The following PCDHGA1 variants were observed in gnomAD, a reference collection of about 807,000 sequenced individuals.
PCDHGA1 encodes the protein protocadherin gamma subfamily A, 1, also known as protocadherin gamma-A1.
PCDHGA1 carries 32 observed loss-of-function variants against 58.0 expected under a neutral mutation model. The ratio of observed to expected loss-of-function variants is 0.55; its 90% CI spans 0.42 to 0.74. The LOEUF is 0.74. Ranked by LOEUF, PCDHGA1 falls within the 30% of genes least tolerant of loss-of-function variation. The pLI, the probability that PCDHGA1 is intolerant of heterozygous loss-of-function variation, is 0.00. For synonymous variants in PCDHGA1, 498 were observed against 501.1 expected, an observed-to-expected ratio of 0.99 and a Z score of 0.08; for missense variants, 1,205 against 1,182.3, an observed-to-expected ratio of 1.02 and a Z score of -0.28.
In PCDHGA1 at chr5:141,408,560, A is replaced by G. The variant is rs368143982; in HGVS notation, c.2421+75455A>G. The G allele has an allele frequency of 6.3e-5, 102 of 1,613,910 alleles. No homozygotes were observed. Among genetic ancestry groups the G allele is most frequent in the Non-Finnish European group, 8.4e-5 (99 of 1,179,898 alleles). On this transcript the variant is annotated intron_variant, in intron 1 of 3. Coordinates refer to ENST00000517417, the MANE Select transcript of PCDHGA1 (RefSeq NM_018912.3). ...AAATCCTTTAAATATTTTTCATGTC[A>G]TTGTGGTGATTGAGGATGTTAATGA... is the stretch of plus-strand genomic sequence containing the variant.
At position 141,351,773 on chromosome 5, in the gene PCDHGA1, C is replaced by G. The variant is rs374508079; in HGVS notation, c.2421+18668C>G. On this transcript the variant is annotated intron_variant, in intron 1 of 3. Transcript: ENST00000517417. Reference sequence around the variant, plus strand: ...GCTGTTGTCCTACGTGTCCGTGAGCCCGCAGAGCGGGGTGGTGTTCGCGCA... The same window carrying G: ...GCTGTTGTCCTACGTGTCCGTGAGCGCGCAGAGCGGGGTGGTGTTCGCGCA... The G allele has an allele frequency of 2.6e-4, 414 of 1,613,372 alleles. 3 individuals are homozygous for G. The East Asian group carries it at 7.2e-3, about 28-fold the overall frequency.
intron 1 of PCDHGA1, chr5:141,351,279 C>T (rs999735053): frequency 3.1e-6 from 5 of 1,613,472 alleles, no homozygotes; most frequent in African/African-American, 1.3e-5. Context: ...AATGACAATG[C>T]CCCAGAGGTG....
intron 1 of PCDHGA1, chr5:141,412,700 G>C (rs537095191): frequency 6.6e-6 from 1 of 152,574 alleles, no homozygotes; most frequent in South Asian, 2.1e-4. Flanking sequence ...TTTTATTAAA[G>C]TGTGTACATT....
At chr5:141,417,888 G>T (rs1406210540) in intron 1 of PCDHGA1, 1 of 1,566,768 alleles carries the variant, frequency 6.4e-7, no homozygotes, top group Middle Eastern at 1.7e-4. Context: ...CAGAGGCGCC[G>T]GGCCGGCCCG....
At chr5:141,355,744 G>A (rs1302771469) in intron 1 of PCDHGA1, 1 of 1,613,960 alleles carries the variant, frequency 6.2e-7, no homozygotes, top group Non-Finnish European at 8.5e-7. Context: ...TTCCCTGGAC[G>A]TGCAAAGTGG....
rs755130135 is a variant in PCDHGA1 at position 141,431,477 on chromosome 5, C to A, written c.2422-63330C>A. On this transcript the variant is annotated intron_variant, in intron 1 of 3. Coordinates refer to ENST00000517417, the MANE Select transcript of PCDHGA1 (RefSeq NM_018912.3). The surrounding 1 kb of genome is among the most constrained non-coding windows in gnomAD (Gnocchi z 4.8). ...GGTTCTGGATGCGAACGACAACGCA[C>A]CAGCGTTTGCTCAGCCCGAGTACCG... is the stretch of plus-strand genomic sequence containing the variant. 40 of 1,613,768 alleles carry A rather than the reference C, an allele frequency of 2.5e-5. No individual in the cohort carries two copies. The highest frequency in any genetic ancestry group is 3.3e-5 in the Admixed American group (2 of 60,008).
intron 1 of PCDHGA1, chr5:141,388,778 A>T (rs2091485337): frequency 1.9e-6 from 3 of 1,613,826 alleles, no homozygotes. Context: ...ACACCGGGGA[A>T]ATTACTGTTT....
rs2099697431 is a variant in PCDHGA1 at position 141,490,222 on chromosome 5, C to T, written c.2422-4585C>T. The T allele has an allele frequency of 6.2e-7, 1 of 1,614,094 alleles. No homozygotes were observed. Among genetic ancestry groups the T allele is most frequent in the African/African-American group, 1.3e-5 (1 of 74,934 alleles). On this transcript the variant is annotated intron_variant, in intron 1 of 3. Coordinates refer to ENST00000517417, the MANE Select transcript of PCDHGA1 (RefSeq NM_018912.3). This position sits in a 1 kb window ranked among gnomAD's most constrained non-coding sequence, Gnocchi z 5.4. The stretch of plus-strand genomic sequence containing the variant: ...TGCAAGAGCCCGTGACCAGGGACAG[C>T]CTGCCATGGAGGGCCACTGTGTGAT...
intron 1 of PCDHGA1, chr5:141,366,399 C>T: frequency 6.2e-7 from 1 of 1,614,192 alleles, no homozygotes; most frequent in Non-Finnish European, 8.5e-7. Context: ...CTGGACCTCA[C>T]ACTCTATCTT....
chr5:141,404,909 CCT>C (rs1243432357), intron 1 of PCDHGA1: 1 of 1,613,798 alleles, frequency 6.2e-7, no homozygotes, highest in Admixed American at 1.7e-5. Flanking sequence ...TGGCCAGCCC[CCT>C]CTCTCGGCCA....
In PCDHGA1 at chr5:141,478,182, A is replaced by T. The variant is rs777228133; in HGVS notation, c.2422-16625A>T. The T allele has an allele frequency of 5.0e-6, 8 of 1,613,866 alleles. No individual in the cohort carries two copies. In the South Asian group the frequency reaches 8.8e-5, roughly 18 times the overall value. ...TCTGCCCCCCGGGAGCAGAAAAAAA[A>T]TCTCACCTTTTATCTACTTCTTTCT... is the stretch of plus-strand genomic sequence containing the variant. On this transcript the variant is annotated intron_variant, in intron 1 of 3. Transcript: ENST00000517417.
intron 1 of PCDHGA1, chr5:141,413,967 G>A: frequency 6.2e-7 from 1 of 1,613,428 alleles, no homozygotes; most frequent in Non-Finnish European, 8.5e-7. Context: ...TGGGCACTCA[G>A]CTGCTGACAG....
At chr5:141,494,922 C>T (rs1401836511) in intron 2 of PCDHGA1, 57 bp downstream of exon 2, 23 of 1,613,670 alleles carry the variant, frequency 1.4e-5, no homozygotes, top group Non-Finnish European at 1.9e-5. Flanking sequence ...TCAGGGATGA[C>T]GTGGGAGGAG....
rs1255551589 is a variant in PCDHGA1 at position 141,410,375 on chromosome 5, G to A, written c.2421+77270G>A. ...ACGCTCTCTCAGCCCTGCTACTTGG[G>A]ACTGCTTCCATCCTGGTCTCTGTGT... On this transcript the variant is annotated intron_variant, in intron 1 of 3. Coordinates refer to ENST00000517417, the MANE Select transcript of PCDHGA1 (RefSeq NM_018912.3). The A allele has an allele frequency of 6.2e-7, 1 of 1,614,028 alleles. No individual in the cohort carries two copies. Among genetic ancestry groups the A allele is most frequent in the Admixed American group, 1.7e-5 (1 of 60,022 alleles).
At position 141,418,056 on chromosome 5, in the gene PCDHGA1, T is replaced by G. The variant is rs199996434; in HGVS notation, c.2422-76751T>G. ...GTCCTGGATGTGTCGGCTCGCGAGC[T>G]GCGAGTGAGCGCGGAGAAGCTGCAC... is the stretch of plus-strand genomic sequence containing the variant. On this transcript the variant is annotated intron_variant, in intron 1 of 3. Coordinates refer to ENST00000517417, the MANE Select transcript of PCDHGA1 (RefSeq NM_018912.3). 5.0e-5 allele frequency: 80 copies of G among 1,613,976 alleles called. No individual in the cohort carries two copies. The African/African-American group carries it at 7.5e-4, about 15-fold the overall frequency.
At chr5:141,434,875 A>G (rs2097725018) in intron 1 of PCDHGA1, among the ~76,000 whole-genome samples, 1 of 151,990 alleles carries the variant, frequency 6.6e-6, no homozygotes, top group African/African-American at 2.4e-5. Flanking sequence ...TGTGACAGAT[A>G]CCAACAACAA....
At position 141,432,009 on chromosome 5, in the gene PCDHGA1, G is replaced by T. The variant is rs1227754190; in HGVS notation, c.2422-62798G>T. ...GTCTTGGATAGGGAACAGGTTCCTAGCTACAACATCACAGTGACCGCCACT... is the reference window on the plus strand; with the variant it reads ...GTCTTGGATAGGGAACAGGTTCCTATCTACAACATCACAGTGACCGCCACT... On this transcript the variant is annotated intron_variant, in intron 1 of 3. Transcript: ENST00000517417. The surrounding 1 kb of genome is among the most constrained non-coding windows in gnomAD (Gnocchi z 6.0). 1 of 1,614,070 alleles carries T rather than the reference G, an allele frequency of 6.2e-7. No homozygotes were observed. The highest frequency in any genetic ancestry group is 8.5e-7 in the Non-Finnish European group (1 of 1,180,032).
Position 141,493,685 on chromosome 5 carries a change from G to A in PCDHGA1, c.2422-1122G>A, listed in dbSNP as rs139973755. ...CCATGGCAGCCCCAGAATGGTGCTG[G>A]TGACTCCCGATACACCTGGAATGCT... On this transcript the variant is annotated intron_variant, in intron 1 of 3. Transcript: ENST00000517417. The surrounding 1 kb of genome is among the most constrained non-coding windows in gnomAD (Gnocchi z 4.3). 1.1e-3 allele frequency among the ~76,000 whole-genome samples: 165 copies of A among 152,282 alleles called. 3 individuals carry two copies. The highest frequency in any genetic ancestry group is 8.2e-3 in the Admixed American group (125 of 15,298).
rs748803155 is a variant in PCDHGA1, at chr5:141,490,087, G to A, written c.2422-4720G>A. On this transcript the variant is annotated intron_variant, in intron 1 of 3. Coordinates refer to ENST00000517417, the MANE Select transcript of PCDHGA1 (RefSeq NM_018912.3). The surrounding 1 kb of genome is among the most constrained non-coding windows in gnomAD (Gnocchi z 5.4). ...CGGCCAACTAGACTATTCTTTTGGA[G>A]ACCACACATCTGAGGCAGTGCGGAA... 2.5e-6 allele frequency: 4 copies of A among 1,614,244 alleles called. No homozygotes were observed. The highest frequency in any genetic ancestry group is 1.3e-5 in the African/African-American group (1 of 75,068).
Sources: gnomAD v4.1 joint callset for allele counts (sites outside exome capture counted in the v4.1 genomes callset) on GRCh38, gnomAD v4.1.1 for gene constraint, Gnocchi (gnomAD v3.1) non-coding constraint, MANE v1.5 for transcripts, NCBI Gene and HGNC (gene_info 2026-07-23, HGNC 2026-07-21) for gene names.